Variants in UBE3D observed in about 807,000 individuals in gnomAD.
UBE3D encodes ubiquitin protein ligase E3D, also known as E3 ubiquitin-protein ligase E3D.
UBE3D carries 48 observed loss-of-function variants against 49.6 expected under a neutral mutation model. The ratio of observed to expected loss-of-function variants is 0.97; its 90% CI spans 0.77 to 1.23. UBE3D has a LOEUF of 1.23. Among genes scored for constraint, UBE3D ranks in the 50% most tolerant of loss-of-function variants. UBE3D has a pLI of 0.00. For missense variants in UBE3D, 452 were observed against 468.4 expected (o/e 0.96, Z 0.32); for synonymous variants, 189 against 174.2 (o/e 1.08, Z -0.67).
rs1781044984 is a variant in UBE3D, at chr6:83,020,861, C to T, written c.846+1592G>A. Among the ~76,000 whole-genome samples, 4 of 152,164 alleles carry T rather than the reference C, an allele frequency of 2.6e-5. No individual in the cohort carries two copies. In the South Asian group the frequency reaches 8.3e-4, roughly 32 times the overall value. On this transcript the variant is annotated intron_variant, in intron 7 of 9. Coordinates refer to ENST00000369747, the MANE Select transcript of UBE3D (RefSeq NM_198920.3). ...TCTCATGAAGGCATTTGTGTTCTACCTTGAGCACCTGGAACAGTGTCTTTC... is the reference window on the plus strand; with the variant it reads ...TCTCATGAAGGCATTTGTGTTCTACTTTGAGCACCTGGAACAGTGTCTTTC...
chr6:83,041,470 G>A (rs912584078), intron 4 of UBE3D, among the ~76,000 whole-genome samples: 26 of 152,220 alleles, frequency 1.7e-4, no homozygotes, highest in Admixed American at 1.6e-3. Context: ...TATCATCAAG[G>A]AATAATTGTT....
intron 8 of UBE3D, among the ~76,000 whole-genome samples, chr6:83,001,328 C>A (rs1357935738): frequency 6.6e-6 from 1 of 152,158 alleles, no homozygotes; most frequent in Non-Finnish European, 1.5e-5. Context: ...TATTAAATTC[C>A]TAATACCTAG....
chr6:82,919,619 A>AT (rs990136879), intron 9 of UBE3D, among the ~76,000 whole-genome samples: 7 of 151,488 alleles, frequency 4.6e-5, no homozygotes, highest in African/African-American at 1.7e-4. Flanking sequence ...AAATAAAATA[A>AT]AATAATAATA....
At chr6:82,894,984 A>G (rs1379639499) in intron 9 of UBE3D, among the ~76,000 whole-genome samples, 1 of 152,242 alleles carries the variant, frequency 6.6e-6, no homozygotes, top group African/African-American at 2.4e-5. Flanking sequence ...AATACTTAGC[A>G]TAAGGATAAC....
intron 8 of UBE3D, among the ~76,000 whole-genome samples, chr6:82,976,934 G>C (rs1327227334): frequency 6.6e-6 from 1 of 151,866 alleles, no homozygotes; most frequent in Non-Finnish European, 1.5e-5. Flanking sequence ...CTAACACGGT[G>C]AAACCCCGTC....
At chr6:82,938,938 A>C (rs377653842) in intron 9 of UBE3D, among the ~76,000 whole-genome samples, 9 of 152,136 alleles carry the variant, frequency 5.9e-5, no homozygotes, top group African/African-American at 2.2e-4. Flanking sequence ...TCCCAGCTAC[A>C]TGGGAGGCTG....
chr6:82,960,362 G>A (rs963923912), intron 8 of UBE3D, among the ~76,000 whole-genome samples: 3 of 151,788 alleles, frequency 2.0e-5, no homozygotes, highest in African/African-American at 4.8e-5. Context: ...CTAGTGCAGT[G>A]GCTCTAAGCT....
chr6:82,986,490 A>C (rs983178750), intron 8 of UBE3D, among the ~76,000 whole-genome samples: 3 of 149,942 alleles, frequency 2.0e-5, no homozygotes, highest in African/African-American at 4.9e-5. Context: ...AAAAAAAAAA[A>C]AAAAAAAACT....
chr6:83,018,882 T>C lies in UBE3D; in HGVS notation c.1010+91A>G, dbSNP rs372740998. Reference sequence around the variant, plus strand: ...AGAAGCTTCAAGTAGGGAAATGGTATAGTGGCATTTAATTCATTAATTTCT... The same window carrying C: ...AGAAGCTTCAAGTAGGGAAATGGTACAGTGGCATTTAATTCATTAATTTCT... On this transcript the variant is annotated intron_variant, in intron 8 of 9. Transcript: ENST00000369747. 10 of 1,436,926 alleles carry C rather than the reference T, an allele frequency of 7.0e-6. No individual in the cohort carries two copies. The South Asian group carries it at 7.3e-5, about 10-fold the overall frequency. The allele number at this position is 1,436,926 out of a possible 1,614,324, so 89.0% of individuals were successfully genotyped here.
intron 9 of UBE3D, chr6:82,932,507 A>G (rs1320305346): frequency 1.3e-5 from 2 of 152,084 alleles, no homozygotes; most frequent in Non-Finnish European, 1.5e-5. Flanking sequence ...TTTAGGTTAA[A>G]TTTAATCTTT....
chr6:82,954,164 C>T (rs919500615), intron 9 of UBE3D, among the ~76,000 whole-genome samples: 18 of 152,102 alleles, frequency 1.2e-4, no homozygotes, highest in African/African-American at 4.3e-4. Context: ...CAACAGGATG[C>T]CATGGAAGAA....
chr6:83,040,901 T>G (rs1782624860), intron 4 of UBE3D, among the ~76,000 whole-genome samples: 1 of 152,088 alleles, frequency 6.6e-6, no homozygotes, highest in Non-Finnish European at 1.5e-5. Flanking sequence ...CACAGAAACC[T>G]AGGAAGGTGC....
At chr6:82,980,618 T>C (rs1778050260) in intron 8 of UBE3D, among the ~76,000 whole-genome samples, 1 of 152,150 alleles carries the variant, frequency 6.6e-6, no homozygotes, top group Non-Finnish European at 1.5e-5. Context: ...TTTCTTCTGC[T>C]TTTGAGGGCT....
chr6:82,981,115 G>A (rs887123832), intron 8 of UBE3D, among the ~76,000 whole-genome samples: 6 of 152,108 alleles, frequency 3.9e-5, no homozygotes, highest in Admixed American at 2.0e-4. Flanking sequence ...TTGTAAAATA[G>A]GGTTTCATTT....
At chr6:82,984,054 G>C (rs2127722235) in intron 8 of UBE3D, among the ~76,000 whole-genome samples, 1 of 152,122 alleles carries the variant, frequency 6.6e-6, no homozygotes. Flanking sequence ...AGCCTAACTT[G>C]TATCCTTGTT....
At chr6:82,930,551 C>T (rs986612336) in intron 9 of UBE3D, among the ~76,000 whole-genome samples, 1 of 152,084 alleles carries the variant, frequency 6.6e-6, no homozygotes, top group East Asian at 1.9e-4. Flanking sequence ...ATGGCTTTGA[C>T]CAAAATGCTG....
chr6:82,920,326 C>A (rs1773233518), intron 9 of UBE3D, among the ~76,000 whole-genome samples: 1 of 152,118 alleles, frequency 6.6e-6, no homozygotes, highest in African/African-American at 2.4e-5. Flanking sequence ...TCTTAGAGGA[C>A]AAAAAGTAGT....
intron 1 of UBE3D, among the ~76,000 whole-genome samples, chr6:83,063,571 A>G (rs984270356): frequency 2.0e-5 from 3 of 151,876 alleles, no homozygotes; most frequent in Admixed American, 2.0e-4. Context: ...GATTATGGGC[A>G]AAAAAAATTA....
At chr6:83,001,319 A>G (rs1415464704) in intron 8 of UBE3D, among the ~76,000 whole-genome samples, 3 of 152,220 alleles carry the variant, frequency 2.0e-5, no homozygotes, top group African/African-American at 4.8e-5. Context: ...TTAGCTCAAT[A>G]TTAAATTCCT....
Sources: gnomAD v4.1 joint callset for allele counts (sites outside exome capture counted in the v4.1 genomes callset) on GRCh38, gnomAD v4.1.1 for gene constraint, MANE v1.5 for transcripts, NCBI Gene and HGNC (gene_info 2026-07-23, HGNC 2026-07-21) for gene names.